Variants in RBFOX3 observed in about 807,000 individuals in gnomAD.
RBFOX3 encodes the protein RNA binding protein fox-1 homolog 3.
A neutral mutation model predicts 48.7 loss-of-function variants in RBFOX3; 17 were observed. The observed-to-expected ratio is 0.35, with a 90% CI of 0.24 to 0.52. The LOEUF is 0.52. RBFOX3 is among the 20% of genes least tolerant of loss of function. The pLI is 0.94. For missense variants in RBFOX3, 382 were observed against 497.5 expected, an observed-to-expected ratio of 0.77 and a Z score of 2.21; for synonymous variants, 212 against 209.5, an observed-to-expected ratio of 1.01 and a Z score of -0.10.
At chr17:79,157,727 A>T (rs1227206507) in intron 4 of RBFOX3, among the ~76,000 whole-genome samples, 8 of 152,022 alleles carry the variant, frequency 5.3e-5, no homozygotes. Flanking sequence ...CCCCACCACC[A>T]CCTCTTAAGG....
In RBFOX3 at chr17:79,092,974, GAGCCCCACC is replaced by G. The variant is rs1186771104; in HGVS notation, c.1077+1468_1077+1476del. Among the ~76,000 whole-genome samples, 101 of 152,210 alleles carry G rather than the reference GAGCCCCACC, an allele frequency of 6.6e-4. 1 individual carries two copies. Among genetic ancestry groups the G allele is most frequent in the African/African-American group, 2.4e-3 (99 of 41,508 alleles). ...TTATGCAGAGGGGGGGTCCCAGCTT[GAGCCCCACC>G]TCCTCGCACCCCAGCAGGGTGGCAC... On this transcript the variant is annotated intron_variant, in intron 14 of 14. Coordinates refer to ENST00000693108, the MANE Select transcript of RBFOX3 (RefSeq NM_001350451.2).
chr17:79,510,713 T>C (rs2084017162), intron 1 of RBFOX3, among the ~76,000 whole-genome samples: 1 of 152,054 alleles, frequency 6.6e-6, no homozygotes, highest in Non-Finnish European at 1.5e-5. Context: ...GAGCGGGTGA[T>C]TAATGGAGGG....
At chr17:79,306,374 C>T (rs574560998) in intron 3 of RBFOX3, among the ~76,000 whole-genome samples, 61 of 152,344 alleles carry the variant, frequency 4.0e-4, no homozygotes, top group African/African-American at 1.3e-3. Flanking sequence ...AGCCATGGCC[C>T]GCACGCGTGT....
intron 4 of RBFOX3, among the ~76,000 whole-genome samples, chr17:79,226,597 A>C (rs7221761): frequency 0.45 from 68,957 of 151,970 alleles, 15,976 homozygotes; most frequent in East Asian, 0.59. Flanking sequence ...GATGTGGCAA[A>C]ACTCAGACCT....
At chr17:79,271,258 T>G (rs1446440282) in intron 3 of RBFOX3, among the ~76,000 whole-genome samples, 1 of 152,128 alleles carries the variant, frequency 6.6e-6, no homozygotes, top group African/African-American at 2.4e-5. Flanking sequence ...GTATTTTTAG[T>G]AGAGACAGTG....
intron 2 of RBFOX3, among the ~76,000 whole-genome samples, chr17:79,312,439 G>A (rs2076985489): frequency 6.6e-6 from 1 of 152,110 alleles, no homozygotes; most frequent in Admixed American, 6.5e-5. Context: ...TGGTAGGCAG[G>A]AGGCAGGCCA....
intron 10 of RBFOX3, 35 bp downstream of exon 10, chr17:79,097,657 G>T: frequency 6.9e-7 from 1 of 1,458,796 alleles, no homozygotes. Context: ...CAAGTAGCTG[G>T]TCTCATCCCA....
At chr17:79,120,173 G>A (rs998285824) in intron 4 of RBFOX3, among the ~76,000 whole-genome samples, 5 of 152,086 alleles carry the variant, frequency 3.3e-5, no homozygotes, top group African/African-American at 1.2e-4. Context: ...GTTCCCCAGG[G>A]GACTGTACAT....
chr17:79,184,406 C>T (rs1354383847), intron 4 of RBFOX3, among the ~76,000 whole-genome samples: 1 of 152,252 alleles, frequency 6.6e-6, no homozygotes, highest in East Asian at 1.9e-4. Context: ...TCCCCACCTC[C>T]TTGCCCCATT....
At chr17:79,629,972 G>A in the RBFOX3 span, among the ~76,000 whole-genome samples, 2 of 152,154 alleles carry the variant, frequency 1.3e-5, no homozygotes, top group Non-Finnish European at 2.9e-5. Context: ...CTGTGTAAGT[G>A]GACGACGGGC....
At chr17:79,239,295 C>T (rs1040869729) in intron 3 of RBFOX3, among the ~76,000 whole-genome samples, 7 of 152,190 alleles carry the variant, frequency 4.6e-5, no homozygotes, top group African/African-American at 1.4e-4. Flanking sequence ...TGACATCCCA[C>T]GGGCGTGCTC....
intron 2 of RBFOX3, among the ~76,000 whole-genome samples, chr17:79,365,582 A>G (rs1397417641): frequency 6.6e-6 from 1 of 152,258 alleles, no homozygotes; most frequent in African/African-American, 2.4e-5. Context: ...TGCCCACTGA[A>G]GCCGGCGCGG....
chr17:79,380,081 C>T (rs2059704810), intron 2 of RBFOX3, among the ~76,000 whole-genome samples: 1 of 152,038 alleles, frequency 6.6e-6, no homozygotes, highest in African/African-American at 2.4e-5. Flanking sequence ...CAGCCCCTTC[C>T]TCTCCTAGTC....
At chr17:79,190,351 C>T (rs900117245) in intron 4 of RBFOX3, among the ~76,000 whole-genome samples, 8 of 144,186 alleles carry the variant, frequency 5.5e-5, no homozygotes, top group East Asian at 4.4e-4. Flanking sequence ...GCGGAGGATG[C>T]GGTGAGCCGT....
At chr17:79,521,418 A>G (rs1439087597) in intron 1 of RBFOX3, among the ~76,000 whole-genome samples, 1 of 152,048 alleles carries the variant, frequency 6.6e-6, no homozygotes, top group Non-Finnish European at 1.5e-5. Flanking sequence ...ATACCCTCAC[A>G]GACTCACACT....
At chr17:79,567,180 C>CTT (rs1159762873) in intron 1 of RBFOX3, among the ~76,000 whole-genome samples, 18 of 92,050 alleles carry the variant, frequency 2.0e-4, no homozygotes, top group Non-Finnish European at 2.9e-4. Context: ...TTCTTTCTTT[C>CTT]TTTTTTTTTT....
chr17:79,369,293 G>A (rs554602825), intron 2 of RBFOX3, among the ~76,000 whole-genome samples: 25 of 152,184 alleles, frequency 1.6e-4, no homozygotes, highest in Admixed American at 1.0e-3. Flanking sequence ...TGTACCCAAA[G>A]GCACCGGAGT....
intron 5 of RBFOX3, among the ~76,000 whole-genome samples, chr17:79,107,367 G>A (rs1225789523): frequency 6.6e-6 from 1 of 152,208 alleles, no homozygotes; most frequent in Non-Finnish European, 1.5e-5. Context: ...AAGGCAGGGC[G>A]TGGCCAAGTC....
chr17:79,511,683 T>C (rs930342182), intron 1 of RBFOX3, among the ~76,000 whole-genome samples: 296 of 150,894 alleles, frequency 2.0e-3, no homozygotes, highest in Admixed American at 4.3e-3. Flanking sequence ...GGATACATGT[T>C]ACCATCGGGT....
Sources: gnomAD v4.1 joint callset for allele counts (sites outside exome capture counted in the v4.1 genomes callset) on GRCh38, gnomAD v4.1.1 for gene constraint, MANE v1.5 for transcripts, NCBI Gene and HGNC (gene_info 2026-07-23, HGNC 2026-07-21) for gene names.